ZNF160: variants seen among roughly 807,000 people sequenced by gnomAD.
The protein encoded by ZNF160 is KRAB zinc finger protein KR18.
In ZNF160, 9 loss-of-function variants were observed where a neutral mutation model predicts 13.1. That is an observed-to-expected ratio of 0.69 (90% CI 0.41 to 1.20). ZNF160 has a LOEUF of 1.20. ZNF160 is among the 50% of genes most tolerant of loss of function. The pLI, the probability that ZNF160 is intolerant of heterozygous loss-of-function variation, is 0.01. For synonymous variants in ZNF160, 293 were observed against 333.2 expected, an observed-to-expected ratio of 0.88 and a Z score of 1.31; for missense variants, 838 against 988.0, an observed-to-expected ratio of 0.85 and a Z score of 2.04.
chr19:53,096,225 A>AATAAATAAC (rs2085229599), intron 1 of ZNF160, among the ~76,000 whole-genome samples: 1 of 152,244 alleles, frequency 6.6e-6, no homozygotes, highest in African/African-American at 2.4e-5. Context: ...TCTCAAAATA[A>AATAAATAAC]ATAAATAACT....
chr19:53,070,031 T>C lies in ZNF160; in HGVS notation c.503A>G (p.Asp168Gly). The change falls in exon 6 of 6, where the codon GAC becomes GGC. Residue 168 changes from aspartate to glycine, a missense_variant. Asp to Gly is a moderately conservative substitution (Grantham distance 94, BLOSUM62 -1). Transcript: ENST00000683776. ...AAGCTTGTTTTCTATGTCTCTTCTG[T>C]CGCGTTGATCTCTTTTACCTTCTTT... ...AQKEGKRDQR[D>G]RRDIENKLMN... 6.2e-7 allele frequency: 1 copy of C among 1,614,060 alleles called. No individual in the cohort carries two copies. Among genetic ancestry groups the C allele is most frequent in the East Asian group, 2.2e-5 (1 of 44,872 alleles).
At chr19:53,085,492 AAAAG>A (rs1446410702) in intron 3 of ZNF160, 4 of 152,414 alleles carry the variant, frequency 2.6e-5, no homozygotes, top group African/African-American at 9.6e-5. Flanking sequence ...TGTTCAAAAT[AAAAG>A]AAACAAAATG....
Position 53,067,886 on chromosome 19 carries a change from T to C in ZNF160, c.*191A>G, listed in dbSNP as rs180717428. On this transcript the variant is annotated 3_prime_UTR_variant, in exon 6 of 6. Transcript: ENST00000683776. ...CAAAGATATAAATCTTGATGCCTAG[T>C]AACCTGCGAGGCCTGGATAGACCCT... 4.4e-5 allele frequency: 29 copies of C among 660,646 alleles called. No homozygotes were observed. In the Admixed American group the frequency reaches 7.6e-4, roughly 17 times the overall value. 40.9% of individuals were successfully genotyped at this position (660,646 alleles called of 1,614,324 possible). A position where few individuals can be genotyped will look rare whatever the true frequency, so the allele number is the denominator to read the frequency against.
chr19:53,071,233 T>C (rs1223734521), intron 5 of ZNF160, among the ~76,000 whole-genome samples: 1 of 151,734 alleles, frequency 6.6e-6, no homozygotes, highest in Non-Finnish European at 1.5e-5. Flanking sequence ...CATGCTGGCA[T>C]GTGCCTGCAA....
intron 1 of ZNF160, among the ~76,000 whole-genome samples, chr19:53,096,779 C>G (rs1264175826): frequency 1.6e-5 from 2 of 127,968 alleles, no homozygotes; most frequent in Non-Finnish European, 3.5e-5. Context: ...CCCTCAATCA[C>G]CCGCCTGGGG....
intron 2 of ZNF160, among the ~76,000 whole-genome samples, chr19:53,087,973 G>A (rs2084905269): frequency 6.6e-6 from 1 of 152,182 alleles, no homozygotes; most frequent in Non-Finnish European, 1.5e-5. Flanking sequence ...GGTACATGGG[G>A]CTGAGTATTA....
intron 1 of ZNF160, among the ~76,000 whole-genome samples, chr19:53,094,758 G>C (rs1210610106): frequency 6.6e-6 from 1 of 152,152 alleles, no homozygotes; most frequent in Non-Finnish European, 1.5e-5. Context: ...CTTATTAACT[G>C]AAAATAAGCA....
At chr19:53,081,015 C>G (rs1175404232) in intron 3 of ZNF160, among the ~76,000 whole-genome samples, 2 of 152,124 alleles carry the variant, frequency 1.3e-5, no homozygotes, top group African/African-American at 4.8e-5. Flanking sequence ...ACTGGCTAAA[C>G]ATATGCAGAA....
At chr19:53,090,734 G>C (rs967961163) in intron 2 of ZNF160, among the ~76,000 whole-genome samples, 2 of 152,188 alleles carry the variant, frequency 1.3e-5, no homozygotes, top group African/African-American at 4.8e-5. Context: ...GGTGGGATCT[G>C]TGGAATCCCA....
intron 5 of ZNF160, chr19:53,073,036 C>T (rs2084239819): frequency 6.7e-6 from 4 of 595,444 alleles, no homozygotes; most frequent in Non-Finnish European, 9.1e-6. Flanking sequence ...ACAATATGGA[C>T]TGATGGAAAC....
rs776594753 is a variant in ZNF160 at position 53,086,273 on chromosome 19, C to G, written c.4G>C (p.Ala2Pro). MALTQVRLTFRD... is the reference protein window; with the variant it reads MPLTQVRLTFRD... ...GAGTATCACTTTACCTGAGTAAGGG[C>G]CATCCCTGACTCCTTTTCTTTCCTC... The change falls in exon 3 of 6, where the codon GCC becomes CCC. Residue 2 changes from alanine (A) to proline (P), a missense_variant. Coordinates refer to ENST00000683776, the MANE Select transcript of ZNF160 (RefSeq NM_001322131.2). 7.6e-6 allele frequency: 12 copies of G among 1,588,484 alleles called. No homozygotes were observed. The South Asian group carries it at 1.4e-4, about 18-fold the overall frequency.
intron 1 of ZNF160, among the ~76,000 whole-genome samples, chr19:53,094,821 A>G (rs2085160847): frequency 6.6e-6 from 1 of 152,172 alleles, no homozygotes; most frequent in South Asian, 2.1e-4. Context: ...TAGCAGTGCA[A>G]TGCTGTTGAT....
At chr19:53,101,707 C>G (rs141227610) in intron 1 of ZNF160, among the ~76,000 whole-genome samples, 1 of 152,168 alleles carries the variant, frequency 6.6e-6, no homozygotes, top group Non-Finnish European at 1.5e-5. Context: ...CACCCTACCC[C>G]ATCCTCGGAA....
intron 5 of ZNF160, 142 bp downstream of exon 5, chr19:53,073,998 C>T: frequency 1.3e-6 from 1 of 744,426 alleles, no homozygotes; most frequent in Non-Finnish European, 2.2e-6. Context: ...CAATGTTGGT[C>T]AGGCTGGTCT....
chr19:53,095,744 A>C (rs1266977536), intron 1 of ZNF160: 1 of 152,018 alleles, frequency 6.6e-6, no homozygotes, highest in East Asian at 1.9e-4. Flanking sequence ...TCAGTCGTTT[A>C]TTCACTCATC....
rs60479522 is a variant in ZNF160 at position 53,099,029 on chromosome 19, G to A, written c.-354+4236C>T. Among the ~76,000 whole-genome samples the A allele has an allele frequency of 3.1e-4, 46 of 147,258 alleles. 2 individuals carry two copies. Among genetic ancestry groups the A allele is most frequent in the African/African-American group, 4.8e-4 (18 of 37,588 alleles). On this transcript the variant is annotated intron_variant, in intron 1 of 5. Coordinates refer to ENST00000683776, the MANE Select transcript of ZNF160 (RefSeq NM_001322131.2). ...GTCTTCCCTGAGGACTCCTCAGCCCGACCCCAGCCCCAGCATCTGAACCAC... is the reference window on the plus strand; with the variant it reads ...GTCTTCCCTGAGGACTCCTCAGCCCAACCCCAGCCCCAGCATCTGAACCAC...
chr19:53,069,592 T>G lies in ZNF160; in HGVS notation c.942A>C (p.Lys314Asn), dbSNP rs1296939288. 1 of 1,614,002 alleles carries G rather than the reference T, an allele frequency of 6.2e-7. No homozygotes were observed. Among genetic ancestry groups the G allele is most frequent in the Non-Finnish European group, 8.5e-7 (1 of 1,180,030 alleles). ...QVIHTGEKPY[K>N]CHECGKVFRH... Reference sequence around the variant, plus strand: ...TGAAGACCTTGCCACACTCATGACATTTGTAAGGTTTTTCTCCAGTATGGA... The same window carrying G: ...TGAAGACCTTGCCACACTCATGACAGTTGTAAGGTTTTTCTCCAGTATGGA... Residue 314 changes from lysine to asparagine, a missense_variant, in exon 6 of 6, where the codon AAA becomes AAC. Coordinates refer to ENST00000683776, the MANE Select transcript of ZNF160 (RefSeq NM_001322131.2). This position sits in a 1 kb window ranked among gnomAD's most constrained non-coding sequence, Gnocchi z 4.4.
chr19:53,074,764 C>T (rs1474469632), intron 4 of ZNF160, among the ~76,000 whole-genome samples: 1 of 151,578 alleles, frequency 6.6e-6, no homozygotes, highest in Non-Finnish European at 1.5e-5. Flanking sequence ...CCACCAACAA[C>T]TTAATCCAAA....
At position 53,069,634 on chromosome 19, in the gene ZNF160, T is replaced by C. The variant is rs61732582; in HGVS notation, c.900A>G (p.Leu300=). The C allele has an allele frequency of 0.021, 33,631 of 1,613,904 alleles. 445 individuals are homozygous for C. The highest frequency in any genetic ancestry group is 0.025 in the Non-Finnish European group (29,855 of 1,179,802). The change falls in exon 6 of 6, where the codon CTA becomes CTG. Residue 300 remains leucine, a synonymous_variant. Coordinates refer to ENST00000683776, the MANE Select transcript of ZNF160 (RefSeq NM_001322131.2). The surrounding 1 kb of genome is among the most constrained non-coding windows in gnomAD (Gnocchi z 4.4). The part of the protein sequence containing the change: ...CGKTFTVRSN[L]TIHQVIHTGE... ...CAGTATGGATGACCTGATGAATAGTTAGATTTGAACGAACAGTAAAGGTTT... is the reference window on the plus strand; with the variant it reads ...CAGTATGGATGACCTGATGAATAGTCAGATTTGAACGAACAGTAAAGGTTT...
Sources: gnomAD v4.1 joint callset for allele counts (sites outside exome capture counted in the v4.1 genomes callset) on GRCh38, gnomAD v4.1.1 for gene constraint, Gnocchi (gnomAD v3.1) non-coding constraint, MANE v1.5 for transcripts, NCBI Gene and HGNC (gene_info 2026-07-23, HGNC 2026-07-21) for gene names.